RGS10: variants seen among roughly 807,000 people sequenced by gnomAD.
RGS10 encodes regulator of G-protein signalling 10.
Under a neutral mutation model 23.5 loss-of-function variants are expected in RGS10, and 11 were observed. The ratio of observed to expected loss-of-function variants is 0.47; its 90% confidence interval spans 0.29 to 0.77. The LOEUF is 0.77. Among genes scored for constraint, RGS10 ranks in the 30% least tolerant of loss-of-function variants. RGS10 has a pLI of 0.08. For missense variants in RGS10, 180 were observed against 226.3 expected (o/e 0.80, Z 1.31); for synonymous variants, 77 against 83.2 (o/e 0.92, Z 0.41).
chr10:119,513,458 G>T (rs192660918), intron 4 of RGS10, among the ~76,000 whole-genome samples: 2 of 151,018 alleles, frequency 1.3e-5, no homozygotes, highest in South Asian at 2.1e-4. Context: ...ACATCCTGTC[G>T]CAAAAATAAA....
chr10:119,540,032 G>A (rs2133962977), intron 1 of RGS10, among the ~76,000 whole-genome samples: 1 of 151,926 alleles, frequency 6.6e-6, no homozygotes, highest in South Asian at 2.1e-4. Flanking sequence ...CGGCCCACAG[G>A]CCCAAATGAC....
At chr10:119,510,061 G>A (rs988767610) in intron 4 of RGS10, among the ~76,000 whole-genome samples, 8 of 152,056 alleles carry the variant, frequency 5.3e-5, no homozygotes, top group Non-Finnish European at 8.8e-5. Flanking sequence ...TTCTAATAAC[G>A]GAGCTGGCTC....
At chr10:119,512,553 A>AT (rs1432081833) in intron 4 of RGS10, among the ~76,000 whole-genome samples, 13 of 150,556 alleles carry the variant, frequency 8.6e-5, no homozygotes, top group African/African-American at 3.2e-4. Flanking sequence ...AATTAAAAAA[A>AT]ATTTTTTTTT....
At chr10:119,528,045 T>C (rs552671468) in intron 1 of RGS10, among the ~76,000 whole-genome samples, 1 of 152,318 alleles carries the variant, frequency 6.6e-6, no homozygotes, top group South Asian at 2.1e-4. Flanking sequence ...GTTTGTTTGT[T>C]TGTTTTTGAC....
intron 1 of RGS10, 25 bp downstream of exon 1, chr10:119,542,565 C>A (rs2133963959): frequency 7.2e-7 from 1 of 1,390,028 alleles, no homozygotes; most frequent in Non-Finnish European, 9.3e-7. Flanking sequence ...CGACCCCGAG[C>A]CCGCGGGCCC....
intron 4 of RGS10, among the ~76,000 whole-genome samples, chr10:119,500,771 G>A (rs1843943627): frequency 2.0e-5 from 3 of 151,072 alleles, no homozygotes; most frequent in Admixed American, 1.3e-4. Context: ...AATGAGGCGT[G>A]CTCACTGCAG....
rs183060010 is a variant in RGS10 at position 119,529,009 on chromosome 10, G to A, written c.50-1585C>T. Among the ~76,000 whole-genome samples, 138 of 152,198 alleles carry A rather than the reference G, an allele frequency of 9.1e-4. 2 individuals are homozygous for A. The highest frequency in any genetic ancestry group is 5.4e-4 in the Non-Finnish European group (37 of 68,008). On this transcript the variant is annotated intron_variant, in intron 1 of 4. Coordinates refer to ENST00000369103, the MANE Select transcript of RGS10 (RefSeq NM_001005339.2). ...CTCACGACACTGAGAAGTCTCCTGG[G>A]AGGAACAGGGAATCTCCAAATAACA...
At chr10:119,519,333 TCCCCAGCTCCTGTCTCCCTGTATCTGTC>T (rs1416291199) in intron 3 of RGS10, among the ~76,000 whole-genome samples, 2,966 of 119,746 alleles carry the variant, frequency 0.025, 258 homozygotes, top group African/African-American at 0.08. Context: ...TCCCTGTCTG[TCCCCAGCTCCTGTCTCCCTGTATCTGTC>T]CCCCAGCTCC....
Position 119,538,271 on chromosome 10 carries a change from T to C in RGS10, c.49+4319A>G, listed in dbSNP as rs1208701659. The stretch of plus-strand genomic sequence containing the variant: ...AATGGTTGTTGTGTTTAGGTGGCCG[T>C]GGACTTGGGTCCAAGACTTGAGTTC... On this transcript the variant is annotated intron_variant, in intron 1 of 4. Coordinates refer to ENST00000369103, the MANE Select transcript of RGS10 (RefSeq NM_001005339.2). This position sits in a 1 kb window ranked among gnomAD's most constrained non-coding sequence, Gnocchi z 4.5. Among the ~76,000 whole-genome samples, 1 of 152,220 alleles carries C rather than the reference T, an allele frequency of 6.6e-6. No individual in the cohort carries two copies. Among genetic ancestry groups the C allele is most frequent in the East Asian group, 1.9e-4 (1 of 5,192 alleles).
intron 1 of RGS10, among the ~76,000 whole-genome samples, chr10:119,534,887 T>C (rs1324706080): frequency 6.6e-6 from 1 of 152,000 alleles, no homozygotes; most frequent in Non-Finnish European, 1.5e-5. Flanking sequence ...AGACTCTGTC[T>C]CAAAAAAATA....
intron 3 of RGS10, among the ~76,000 whole-genome samples, chr10:119,518,986 G>A (rs546586631): frequency 2.0e-4 from 31 of 152,278 alleles, no homozygotes; most frequent in Admixed American, 1.0e-3. Context: ...GATTACAGGC[G>A]TGAGCCACCG....
intron 3 of RGS10, among the ~76,000 whole-genome samples, chr10:119,525,150 A>C (rs912230906): frequency 1.3e-5 from 2 of 152,188 alleles, no homozygotes; most frequent in African/African-American, 4.8e-5. Flanking sequence ...TTAGAAAAAC[A>C]GGCGGTACTA....
chr10:119,536,856 C>T (rs181874389), intron 1 of RGS10, among the ~76,000 whole-genome samples: 1 of 152,140 alleles, frequency 6.6e-6, no homozygotes, highest in Non-Finnish European at 1.5e-5. Context: ...CTGCCCTCAC[C>T]CTCCTACTCT....
chr10:119,518,237 C>T (rs992242246), intron 3 of RGS10, among the ~76,000 whole-genome samples: 3 of 152,216 alleles, frequency 2.0e-5, no homozygotes, highest in Non-Finnish European at 2.9e-5. Context: ...TGTGGCTGGC[C>T]ACAGCCTGGA....
chr10:119,500,723 G>A (rs745723064), intron 4 of RGS10, among the ~76,000 whole-genome samples: 3 of 150,024 alleles, frequency 2.0e-5, no homozygotes, highest in Non-Finnish European at 3.0e-5. Context: ...TCTGGCATCC[G>A]AGATCTCAAA....
chr10:119,533,424 T>C (rs79210761), intron 1 of RGS10, among the ~76,000 whole-genome samples: 3,243 of 152,092 alleles, frequency 0.021, 55 homozygotes, highest in East Asian at 0.062. Flanking sequence ...TAAATACATA[T>C]ATACATACAT....
intron 4 of RGS10, among the ~76,000 whole-genome samples, chr10:119,512,201 A>G (rs779912707): frequency 3.3e-5 from 5 of 152,166 alleles, no homozygotes; most frequent in Non-Finnish European, 5.9e-5. Context: ...CGGCTCCACC[A>G]TGAAGCCCAG....
chr10:119,501,036 G>A (rs1346377075), intron 4 of RGS10, among the ~76,000 whole-genome samples: 1 of 152,110 alleles, frequency 6.6e-6, no homozygotes, highest in African/African-American at 2.4e-5. Flanking sequence ...GCTTCCTCTG[G>A]CCGCCACTGA....
intron 4 of RGS10, 114 bp from the exon 5 acceptor site, chr10:119,500,373 A>C (rs1843939802): frequency 1.1e-6 from 1 of 930,610 alleles, no homozygotes. Flanking sequence ...ACATGTGCAA[A>C]GAACACACTA....
Sources: allele counts gnomAD v4.1 joint callset (sites outside exome capture counted in the v4.1 genomes callset), GRCh38; gene constraint gnomAD v4.1.1; non-coding constraint Gnocchi (gnomAD v3.1); transcripts MANE v1.5; gene names NCBI Gene and HGNC (gene_info 2026-07-23, HGNC 2026-07-21).